Variants in SLC39A11 observed in about 807,000 individuals in gnomAD.
SLC39A11 encodes the protein solute carrier family 39 member 11, also known as zinc transporter ZIP11.
A neutral mutation model predicts 36.1 loss-of-function variants in SLC39A11; 33 were observed. That is an observed-to-expected ratio of 0.91 (90% confidence interval 0.69 to 1.22). The LOEUF (loss-of-function observed/expected upper bound fraction) is 1.22. SLC39A11 is among the 50% of genes most tolerant of loss of function. The pLI, the probability that SLC39A11 is intolerant of heterozygous loss-of-function variation, is 0.00. For missense variants in SLC39A11, 432 were observed against 430.3 expected (o/e 1.00, Z -0.03); for synonymous variants, 166 against 170.3 (o/e 0.97, Z 0.20).
At chr17:72,910,433 G>A (rs1248390861) in intron 5 of SLC39A11, among the ~76,000 whole-genome samples, 2 of 151,994 alleles carry the variant, frequency 1.3e-5, no homozygotes. Context: ...AGACCAGCGT[G>A]GCCAACGTTG....
chr17:72,915,981 C>A (rs192371573), intron 5 of SLC39A11, among the ~76,000 whole-genome samples: 4 of 152,284 alleles, frequency 2.6e-5, no homozygotes, highest in African/African-American at 9.6e-5. Flanking sequence ...CTGGCCGTAC[C>A]CAGTAATACT....
At chr17:72,749,390 G>A (rs1316327246) in intron 6 of SLC39A11, among the ~76,000 whole-genome samples, 5 of 152,206 alleles carry the variant, frequency 3.3e-5, no homozygotes, top group African/African-American at 1.2e-4. Flanking sequence ...GCAGGGAAGT[G>A]TCTGGATCTG....
chr17:73,064,891 TA>T (rs1443641346), intron 3 of SLC39A11, among the ~76,000 whole-genome samples: 14 of 152,220 alleles, frequency 9.2e-5, no homozygotes, highest in Non-Finnish European at 1.6e-4. Context: ...AGAGGGGGGA[TA>T]GGGGAAAAAA....
chr17:72,678,826 A>T (rs1024731448), intron 7 of SLC39A11, among the ~76,000 whole-genome samples: 1 of 152,158 alleles, frequency 6.6e-6, no homozygotes, highest in African/African-American at 2.4e-5. Flanking sequence ...TGCAACAAAG[A>T]ATAGTGCTTG....
chr17:72,802,995 A>T (rs1026024611), intron 6 of SLC39A11, among the ~76,000 whole-genome samples: 1 of 152,256 alleles, frequency 6.6e-6, no homozygotes, highest in African/African-American at 2.4e-5. Flanking sequence ...GCAAGCATGC[A>T]GCCTTGTGAT....
intron 7 of SLC39A11, among the ~76,000 whole-genome samples, chr17:72,690,478 A>G (rs2071976709): frequency 6.6e-6 from 1 of 152,210 alleles, no homozygotes; most frequent in Non-Finnish European, 1.5e-5. Flanking sequence ...GAAAAGGGAA[A>G]CTGAAACAGA....
At chr17:72,815,145 C>A (rs544823760) in intron 6 of SLC39A11, among the ~76,000 whole-genome samples, 1 of 152,144 alleles carries the variant, frequency 6.6e-6, no homozygotes, top group Non-Finnish European at 1.5e-5. Context: ...ACTGGTCCAT[C>A]GGGATTGCAT....
intron 7 of SLC39A11, among the ~76,000 whole-genome samples, chr17:72,668,203 A>T (rs1025121530): frequency 3.5e-4 from 50 of 142,314 alleles, no homozygotes; most frequent in Admixed American, 1.3e-3. Context: ...AGAATCTTTT[A>T]AAAAAAAAAA....
intron 3 of SLC39A11, among the ~76,000 whole-genome samples, chr17:73,065,479 A>G (rs1478938129): frequency 6.6e-6 from 1 of 152,190 alleles, no homozygotes; most frequent in African/African-American, 2.4e-5. Flanking sequence ...GCTGAAGCTT[A>G]GAATATAAAA....
At chr17:72,696,499 G>A (rs2072309124) in intron 7 of SLC39A11, among the ~76,000 whole-genome samples, 1 of 152,168 alleles carries the variant, frequency 6.6e-6, no homozygotes, top group African/African-American at 2.4e-5. Flanking sequence ...CCCGGAGTCT[G>A]TTCCTGTTCC....
chr17:73,048,906 T>G (rs1237392289), intron 3 of SLC39A11, among the ~76,000 whole-genome samples: 1 of 152,162 alleles, frequency 6.6e-6, no homozygotes, highest in Non-Finnish European at 1.5e-5. Flanking sequence ...ATCCTGAACA[T>G]GGTAGATACA....
intron 6 of SLC39A11, among the ~76,000 whole-genome samples, chr17:72,808,660 A>G (rs2077336686): frequency 6.6e-6 from 1 of 152,186 alleles, no homozygotes; most frequent in South Asian, 2.1e-4. Flanking sequence ...AATTGCTCCT[A>G]TAGATAACAC....
At chr17:73,005,400 C>A (rs1044825875) in intron 4 of SLC39A11, among the ~76,000 whole-genome samples, 1 of 152,178 alleles carries the variant, frequency 6.6e-6, no homozygotes, top group African/African-American at 2.4e-5. Context: ...GTATCAAATA[C>A]CTACTGCATG....
At chr17:72,791,984 A>G (rs1311712196) in intron 6 of SLC39A11, among the ~76,000 whole-genome samples, 1 of 152,180 alleles carries the variant, frequency 6.6e-6, no homozygotes, top group Non-Finnish European at 1.5e-5. Flanking sequence ...GGATTAACAC[A>G]TGTAGTATGA....
At chr17:72,648,753 TC>T in intron 9 of SLC39A11, 49 bp downstream of exon 9, 1 of 1,596,556 alleles carries the variant, frequency 6.3e-7, no homozygotes, top group Non-Finnish European at 8.6e-7. Context: ...AAGGCTGGGG[TC>T]CCAGCTGGGA....
At chr17:72,819,598 C>A (rs2145524912) in intron 6 of SLC39A11, among the ~76,000 whole-genome samples, 1 of 151,358 alleles carries the variant, frequency 6.6e-6, no homozygotes, top group Middle Eastern at 3.4e-3. Context: ...AGGTGAGCCA[C>A]TCTCTGCAAA....
chr17:72,717,098 T>C (rs1033340164), intron 7 of SLC39A11, among the ~76,000 whole-genome samples: 9 of 142,342 alleles, frequency 6.3e-5, no homozygotes, highest in African/African-American at 2.4e-4. Context: ...ATGTATATAC[T>C]TATATGTGTA....
chr17:72,914,500 T>C (rs527856214), intron 5 of SLC39A11, among the ~76,000 whole-genome samples: 13 of 152,272 alleles, frequency 8.5e-5, no homozygotes, highest in African/African-American at 2.6e-4. Flanking sequence ...GATGCCATTT[T>C]CCATCAAGGA....
At chr17:73,013,184 T>G (rs2090619779) in intron 4 of SLC39A11, among the ~76,000 whole-genome samples, 1 of 152,142 alleles carries the variant, frequency 6.6e-6, no homozygotes, top group Non-Finnish European at 1.5e-5. Context: ...TTCCACCTCC[T>G]GGGTTCAAGG....
Sources: allele counts gnomAD v4.1 joint callset (sites outside exome capture counted in the v4.1 genomes callset), GRCh38; gene constraint gnomAD v4.1.1; transcripts MANE v1.5; gene names NCBI Gene and HGNC (gene_info 2026-07-23, HGNC 2026-07-21).